ITFG1: variants seen among roughly 807,000 people sequenced by gnomAD.
The protein encoded by ITFG1 is T-cell immunomodulatory protein.
ITFG1 carries 34 observed loss-of-function variants against 81.8 expected under a neutral mutation model. The ratio of observed to expected loss-of-function variants is 0.42; its 90% CI spans 0.32 to 0.55. The LOEUF (loss-of-function observed/expected upper bound fraction) is 0.55. Among genes scored for constraint, ITFG1 ranks in the 20% least tolerant of loss-of-function variants. The probability of loss-of-function intolerance (pLI) is 0.17; values close to 1 mark genes in which losing one functional copy is unlikely to be tolerated. For synonymous variants in ITFG1, 285 were observed against 270.6 expected, an observed-to-expected ratio of 1.05 and a Z score of -0.52; for missense variants, 672 against 755.4, an observed-to-expected ratio of 0.89 and a Z score of 1.29.
intron 10 of ITFG1, among the ~76,000 whole-genome samples, chr16:47,304,590 C>A (rs1276636010): frequency 6.6e-6 from 1 of 152,142 alleles, no homozygotes; most frequent in African/African-American, 2.4e-5. Flanking sequence ...ATTTGTTTCT[C>A]CATTTGTGTT....
intron 14 of ITFG1, among the ~76,000 whole-genome samples, chr16:47,195,221 T>A (rs1220378515): frequency 6.6e-6 from 1 of 152,202 alleles, no homozygotes; most frequent in African/African-American, 2.4e-5. Context: ...TGTTTGTATG[T>A]TGAGGGCAGG....
chr16:47,234,251 GAAAA>G (rs1475553958), intron 13 of ITFG1, among the ~76,000 whole-genome samples: 1 of 152,064 alleles, frequency 6.6e-6, no homozygotes, highest in Non-Finnish European at 1.5e-5. Flanking sequence ...GGTGCTAATG[GAAAA>G]AAGCAGACAA....
intron 6 of ITFG1, among the ~76,000 whole-genome samples, chr16:47,423,440 T>C (rs1410773450): frequency 6.6e-6 from 1 of 152,156 alleles, no homozygotes; most frequent in Non-Finnish European, 1.5e-5. Context: ...ACATTTAAGA[T>C]TGATATTGTT....
intron 8 of ITFG1, chr16:47,317,565 G>C (rs1273840369): frequency 3.9e-5 from 6 of 152,172 alleles, no homozygotes; most frequent in Admixed American, 2.6e-4. Flanking sequence ...TGCAGCCTCT[G>C]AATCGGCTGG....
At position 47,278,673 on chromosome 16, in the gene ITFG1, A is replaced by G. The variant is rs923086064; in HGVS notation, c.1071-17978T>C. ...TATAGAAAAAAAAGTTGTGAAAGTG[A>G]TATTTTTGAACTTCTAATGCTGTTA... is the stretch of plus-strand genomic sequence containing the variant. On this transcript the variant is annotated intron_variant, in intron 10 of 17. Transcript: ENST00000320640. 2.0e-5 allele frequency among the ~76,000 whole-genome samples: 3 copies of G among 152,326 alleles called. No individual in the cohort carries two copies. In the South Asian group the frequency reaches 6.2e-4, roughly 32 times the overall value.
At chr16:47,392,271 G>A (rs186261439) in intron 6 of ITFG1, among the ~76,000 whole-genome samples, 2 of 152,188 alleles carry the variant, frequency 1.3e-5, no homozygotes, top group East Asian at 1.9e-4. Flanking sequence ...TCAAAACGAC[G>A]AACGCCCACA....
chr16:47,281,405 A>C (rs1966449918), intron 10 of ITFG1, among the ~76,000 whole-genome samples: 1 of 152,094 alleles, frequency 6.6e-6, no homozygotes, highest in Admixed American at 6.6e-5. Context: ...AATTTAGTTG[A>C]ATTGAGAAGT....
intron 5 of ITFG1, among the ~76,000 whole-genome samples, chr16:47,444,556 A>T (rs2151616044): frequency 6.6e-6 from 1 of 152,306 alleles, no homozygotes; most frequent in East Asian, 1.9e-4. Flanking sequence ...AAATTTATAT[A>T]TTAGGTGATA....
At chr16:47,204,891 G>C (rs1219497757) in intron 14 of ITFG1, among the ~76,000 whole-genome samples, 1 of 152,196 alleles carries the variant, frequency 6.6e-6, no homozygotes, top group Non-Finnish European at 1.5e-5. Context: ...CAGGAACTAA[G>C]CTTCAATTAT....
chr16:47,155,809 T>C (rs770066254), intron 17 of ITFG1, 31 bp from the exon 18 acceptor site: 1 of 1,507,922 alleles, frequency 6.6e-7, no homozygotes, highest in Non-Finnish European at 9.2e-7. Flanking sequence ...CGTTTATAAA[T>C]GGTAGAAAGA....
intron 17 of ITFG1, 91 bp downstream of exon 17, chr16:47,158,782 A>G (rs1291582760): frequency 7.1e-6 from 4 of 561,848 alleles, no homozygotes; most frequent in Non-Finnish European, 1.2e-5. Context: ...ATATGAAAAA[A>G]GTTTAAAATA....
chr16:47,349,268 ATT>A (rs1456320534), intron 8 of ITFG1, among the ~76,000 whole-genome samples: 1 of 152,186 alleles, frequency 6.6e-6, no homozygotes, highest in Non-Finnish European at 1.5e-5. Context: ...GGACTGGCAA[ATT>A]GGATAAAGAG....
At chr16:47,174,388 AGAG>A (rs1380225473) in intron 14 of ITFG1, among the ~76,000 whole-genome samples, 2 of 152,200 alleles carry the variant, frequency 1.3e-5, no homozygotes, top group East Asian at 3.8e-4. Context: ...ACAGGTAGGA[AGAG>A]GAAGACCCAC....
chr16:47,461,205 TA>T (rs1459372153), upstream of ITFG1: 3 of 978,310 alleles, frequency 3.1e-6, no homozygotes, highest in Non-Finnish European at 4.4e-6. Flanking sequence ...CTTCCGACGC[TA>T]AAAAAGCAGT....
At chr16:47,182,809 C>T (rs867508946) in intron 14 of ITFG1, among the ~76,000 whole-genome samples, 1 of 152,200 alleles carries the variant, frequency 6.6e-6, no homozygotes, top group Non-Finnish European at 1.5e-5. Flanking sequence ...CAGCTCCCAG[C>T]GTGAGCAACG....
intron 13 of ITFG1, among the ~76,000 whole-genome samples, chr16:47,222,715 G>T (rs554752904): frequency 1.3e-5 from 2 of 152,272 alleles, no homozygotes; most frequent in East Asian, 3.9e-4. Context: ...GCCCAGCCTT[G>T]AGTGAGTTTC....
rs566500134 is a variant in ITFG1 at position 47,257,442 on chromosome 16, T to C, written c.1330+1190A>G. Among the ~76,000 whole-genome samples, 13 of 152,300 alleles carry C rather than the reference T, an allele frequency of 8.5e-5. 1 individual carries two copies. Among genetic ancestry groups the C allele is most frequent in the Admixed American group, 7.8e-4 (12 of 15,310 alleles). On this transcript the variant is annotated intron_variant, in intron 12 of 17. Coordinates refer to ENST00000320640, the MANE Select transcript of ITFG1 (RefSeq NM_030790.5). ...TAACAAAACATGTACAGGGTCTTTA[T>C]GACAAACATGGGGGTCAGGTGGAGG...
chr16:47,206,560 A>C (rs1012744990), intron 14 of ITFG1, among the ~76,000 whole-genome samples: 3 of 152,208 alleles, frequency 2.0e-5, no homozygotes, highest in Admixed American at 2.0e-4. Context: ...TGGGAACCAG[A>C]ATCTACTTTC....
chr16:47,236,048 G>T (rs977444464), intron 13 of ITFG1, among the ~76,000 whole-genome samples: 11 of 152,112 alleles, frequency 7.2e-5, no homozygotes, highest in Non-Finnish European at 1.6e-4. Flanking sequence ...GGGCGGTAAT[G>T]GTAATCATTA....
Sources: gnomAD v4.1 joint callset for allele counts (sites outside exome capture counted in the v4.1 genomes callset) on GRCh38, gnomAD v4.1.1 for gene constraint, MANE v1.5 for transcripts, NCBI Gene and HGNC (gene_info 2026-07-23, HGNC 2026-07-21) for gene names.